Variants in CSNK2A2IP observed in about 807,000 individuals in gnomAD.
CSNK2A2IP encodes the protein casein kinase II subunit alpha'-interacting protein.
At chr3:88,406,180 A>T in the CSNK2A2IP span, among the ~76,000 whole-genome samples, 1 of 152,200 alleles carries the variant, frequency 6.6e-6, no homozygotes. Context: ...TGCTAATTTT[A>T]TATTAAAAAC....
chr3:88,430,877 G>C, the CSNK2A2IP span, among the ~76,000 whole-genome samples: 7 of 152,014 alleles, frequency 4.6e-5, no homozygotes, highest in South Asian at 2.1e-4. Context: ...CAAGGATTAA[G>C]AGAAAATCCA....
chr3:88,398,277 T>G, the CSNK2A2IP span, among the ~76,000 whole-genome samples: 230 of 152,268 alleles, frequency 1.5e-3, no homozygotes, highest in Non-Finnish European at 2.6e-3. Flanking sequence ...CTAGCAGTGA[T>G]TTTAATCAAG....
chr3:88,348,261 G>C, the CSNK2A2IP span, among the ~76,000 whole-genome samples: 54 of 151,964 alleles, frequency 3.6e-4, no homozygotes, highest in Non-Finnish European at 6.3e-4. Context: ...ATGTTCAAAG[G>C]GGTTTGAATT....
At chr3:88,466,064 G>A in the CSNK2A2IP span, 200 of 1,231,468 alleles carry the variant, frequency 1.6e-4, no homozygotes, top group South Asian at 9.1e-4. Flanking sequence ...TCATTGCAGC[G>A]CAATCAAAGA....
At chr3:88,390,908 C>T in the CSNK2A2IP span, among the ~76,000 whole-genome samples, 1 of 152,022 alleles carries the variant, frequency 6.6e-6, no homozygotes, top group Admixed American at 6.6e-5. Context: ...ATAGATCCTA[C>T]CTAAAAGATA....
the CSNK2A2IP span, among the ~76,000 whole-genome samples, chr3:88,424,669 C>A: frequency 6.6e-6 from 1 of 152,078 alleles, no homozygotes; most frequent in East Asian, 1.9e-4. Flanking sequence ...TAATTCAGCT[C>A]TTGTTAGTGA....
At chr3:88,404,800 A>G in the CSNK2A2IP span, among the ~76,000 whole-genome samples, 2 of 151,344 alleles carry the variant, frequency 1.3e-5, no homozygotes, top group African/African-American at 4.8e-5. Flanking sequence ...ATTCCTTTAG[A>G]TTGAAAAAAA....
At chr3:88,431,495 CAG>C in the CSNK2A2IP span, among the ~76,000 whole-genome samples, 2 of 152,120 alleles carry the variant, frequency 1.3e-5, no homozygotes, top group Admixed American at 6.6e-5. Flanking sequence ...AGACTACAAA[CAG>C]GGTACAGTGT....
the CSNK2A2IP span, among the ~76,000 whole-genome samples, chr3:88,458,577 A>C: frequency 6.6e-6 from 1 of 151,494 alleles, no homozygotes; most frequent in Admixed American, 6.6e-5. Flanking sequence ...TTTAATCTCT[A>C]CTGTTTTCTT....
the CSNK2A2IP span, among the ~76,000 whole-genome samples, chr3:88,417,856 G>T: frequency 6.6e-6 from 1 of 152,078 alleles, no homozygotes; most frequent in Non-Finnish European, 1.5e-5. Flanking sequence ...GACTTGAATT[G>T]CCTGTGACAA....
the CSNK2A2IP span, among the ~76,000 whole-genome samples, chr3:88,419,049 A>G: frequency 1.3e-5 from 2 of 152,162 alleles, no homozygotes; most frequent in African/African-American, 4.8e-5. Context: ...ATGATCTGTC[A>G]CTGTCTCCCA....
the CSNK2A2IP span, among the ~76,000 whole-genome samples, chr3:88,379,932 C>T: frequency 6.6e-6 from 1 of 152,056 alleles, no homozygotes; most frequent in Non-Finnish European, 1.5e-5. Context: ...TGATTCTCGT[C>T]ATCTAATTTA....
the CSNK2A2IP span, among the ~76,000 whole-genome samples, chr3:88,415,398 A>G: frequency 6.6e-6 from 1 of 152,058 alleles, no homozygotes; most frequent in South Asian, 2.1e-4. Flanking sequence ...GGTTAAAACA[A>G]TGAGGATGGT....
chr3:88,399,716 T>A, the CSNK2A2IP span: 1 of 152,146 alleles, frequency 6.6e-6, no homozygotes, highest in Non-Finnish European at 1.5e-5. Context: ...CCAACTGAGC[T>A]GCCACTCCAA....
At chr3:88,441,845 GTT>G in the CSNK2A2IP span, among the ~76,000 whole-genome samples, 2 of 152,016 alleles carry the variant, frequency 1.3e-5, no homozygotes, top group Non-Finnish European at 2.9e-5. Context: ...GAGTGTCTGT[GTT>G]TTACAGACAT....
the CSNK2A2IP span, among the ~76,000 whole-genome samples, chr3:88,463,849 A>T: frequency 6.6e-6 from 1 of 152,134 alleles, no homozygotes; most frequent in Non-Finnish European, 1.5e-5. Context: ...AGACACATGC[A>T]CACGTATGTT....
chr3:88,415,492 T>G, the CSNK2A2IP span, among the ~76,000 whole-genome samples: 1 of 151,926 alleles, frequency 6.6e-6, no homozygotes, highest in African/African-American at 2.4e-5. Flanking sequence ...TGGTATGATT[T>G]AAGTTTTTAA....
the CSNK2A2IP span, among the ~76,000 whole-genome samples, chr3:88,427,582 G>A: frequency 7.9e-5 from 12 of 152,154 alleles, no homozygotes; most frequent in Non-Finnish European, 1.3e-4. Flanking sequence ...GATGCTTTGC[G>A]TAGTCTTGGG....
the CSNK2A2IP span, among the ~76,000 whole-genome samples, chr3:88,461,981 GT>G: frequency 3.3e-4 from 50 of 151,318 alleles, no homozygotes; most frequent in South Asian, 2.1e-4. Flanking sequence ...TGAAGCCGAG[GT>G]TTTTTTTCAT....
Sources: gnomAD v4.1 joint callset for allele counts (sites outside exome capture counted in the v4.1 genomes callset) on GRCh38, gnomAD v4.1.1 for gene constraint, MANE v1.5 for transcripts, NCBI Gene and HGNC (gene_info 2026-07-23, HGNC 2026-07-21) for gene names.